Variants in IGF1 observed in about 807,000 individuals in gnomAD.
IGF1 encodes insulin-like growth factor 1.
IGF1 carries 4 observed loss-of-function variants against 13.8 expected under a neutral mutation model. The observed-to-expected ratio is 0.29, with a 90% confidence interval of 0.14 to 0.66. IGF1 has a LOEUF of 0.66. Among genes scored for constraint, IGF1 ranks in the 30% least tolerant of loss-of-function variants. IGF1 has a pLI of 0.78. For missense variants in IGF1, 124 were observed against 188.5 expected, an observed-to-expected ratio of 0.66 and a Z score of 2.00; for synonymous variants, 76 against 72.6, an observed-to-expected ratio of 1.05 and a Z score of -0.23.
chr12:102,430,597 A>G (rs1876652902), intron 2 of IGF1, among the ~76,000 whole-genome samples: 1 of 152,228 alleles, frequency 6.6e-6, no homozygotes, highest in African/African-American at 2.4e-5. Context: ...GCCATTGAAG[A>G]TGACTTAAAA....
intron 2 of IGF1, among the ~76,000 whole-genome samples, chr12:102,438,094 A>T (rs1036305295): frequency 1.3e-5 from 2 of 152,192 alleles, no homozygotes; most frequent in African/African-American, 4.8e-5. Context: ...ATTTTCCTGG[A>T]AAGAGGACAT....
chr12:102,425,719 C>G (rs1031938197), intron 2 of IGF1, among the ~76,000 whole-genome samples: 1 of 152,172 alleles, frequency 6.6e-6, no homozygotes, highest in Non-Finnish European at 1.5e-5. Context: ...AGATTCAAAG[C>G]AGAAACATTA....
intron 3 of IGF1, chr12:102,417,853 T>A (rs1389943358): frequency 6.2e-7 from 1 of 1,613,928 alleles, no homozygotes; most frequent in African/African-American, 1.3e-5. Flanking sequence ...TCAGCATTTC[T>A]ACTTCCAATC....
chr12:102,478,172 GGA>G (rs1217291681), intron 1 of IGF1, among the ~76,000 whole-genome samples: 1 of 151,400 alleles, frequency 6.6e-6, no homozygotes, highest in Non-Finnish European at 1.5e-5. Context: ...AACTTGCTTA[GGA>G]GTTTAAAGTG....
intron 1 of IGF1, among the ~76,000 whole-genome samples, chr12:102,476,403 C>T (rs1053212406): frequency 1.8e-5 from 2 of 113,946 alleles, no homozygotes; most frequent in African/African-American, 6.3e-5. Context: ...GTTTTGTTTC[C>T]TCAATATGAG....
At chr12:102,458,773 A>G (rs890208538) in intron 2 of IGF1, among the ~76,000 whole-genome samples, 1 of 146,150 alleles carries the variant, frequency 6.8e-6, no homozygotes, top group African/African-American at 2.5e-5. Flanking sequence ...TGTAAGAGTA[A>G]TATTATTGCT....
intron 2 of IGF1, among the ~76,000 whole-genome samples, chr12:102,452,261 CAAAAAAAAAA>C (rs538007224): frequency 4.7e-5 from 2 of 42,176 alleles, no homozygotes; most frequent in Non-Finnish European, 7.4e-5. Flanking sequence ...GACTCCGTCT[CAAAAAAAAAA>C]AAAAAAAAAA....
chr12:102,474,621 A>G (rs1880897765), intron 2 of IGF1, among the ~76,000 whole-genome samples: 1 of 152,296 alleles, frequency 6.6e-6, no homozygotes, highest in East Asian at 1.9e-4. Context: ...GAGCTATTCA[A>G]AGCATAGTGG....
intron 2 of IGF1, among the ~76,000 whole-genome samples, chr12:102,437,424 T>C (rs924391763): frequency 6.6e-6 from 1 of 152,270 alleles, no homozygotes; most frequent in African/African-American, 2.4e-5. Context: ...TGTTAATTGT[T>C]CCTTTGCTGT....
intron 2 of IGF1, among the ~76,000 whole-genome samples, chr12:102,450,558 A>G (rs1281916242): frequency 2.0e-5 from 3 of 152,224 alleles, no homozygotes; most frequent in African/African-American, 4.8e-5. Context: ...TTCGCCTTCC[A>G]TCTGAAGGCT....
At chr12:102,409,315 T>A (rs534562753) in intron 3 of IGF1, among the ~76,000 whole-genome samples, 1 of 152,334 alleles carries the variant, frequency 6.6e-6, no homozygotes, top group South Asian at 2.1e-4. Flanking sequence ...TTCTGTAGAG[T>A]AAATTCTGCA....
chr12:102,449,678 G>A (rs963937254), intron 2 of IGF1, among the ~76,000 whole-genome samples: 1 of 142,768 alleles, frequency 7.0e-6, no homozygotes, highest in Admixed American at 6.9e-5. Flanking sequence ...GGATGTCAGA[G>A]AAGGGACATC....
At chr12:102,466,016 A>T (rs1335901886) in intron 2 of IGF1, among the ~76,000 whole-genome samples, 8 of 152,114 alleles carry the variant, frequency 5.3e-5, no homozygotes, top group Non-Finnish European at 1.5e-5. Flanking sequence ...AATTTGCTCC[A>T]GGTGGTCTCA....
At chr12:102,453,683 C>T (rs1407879748) in intron 2 of IGF1, among the ~76,000 whole-genome samples, 1 of 152,168 alleles carries the variant, frequency 6.6e-6, no homozygotes, top group Non-Finnish European at 1.5e-5. Context: ...AAAAGTTACT[C>T]AGCATTTCCA....
intron 2 of IGF1, among the ~76,000 whole-genome samples, chr12:102,452,094 C>T (rs1878993321): frequency 1.3e-5 from 2 of 151,690 alleles, no homozygotes; most frequent in Admixed American, 1.3e-4. Context: ...AACCCCGTCT[C>T]TACTAAAAAT....
At chr12:102,448,681 G>C (rs1159266929) in intron 2 of IGF1, among the ~76,000 whole-genome samples, 1 of 70,320 alleles carries the variant, frequency 1.4e-5, no homozygotes. Flanking sequence ...CTAAAACTTA[G>C]AGTATAATAA....
At chr12:102,431,756 C>A (rs1876758496) in intron 2 of IGF1, among the ~76,000 whole-genome samples, 2 of 152,160 alleles carry the variant, frequency 1.3e-5, no homozygotes, top group Non-Finnish European at 2.9e-5. Flanking sequence ...AATGGACCCA[C>A]TAACCCCAGG....
chr12:102,418,135 A>T, intron 3 of IGF1: 1 of 862,958 alleles, frequency 1.2e-6, no homozygotes, highest in South Asian at 2.1e-5. Flanking sequence ...TCTAGACCTC[A>T]GTCACAAGAC....
chr12:102,480,236 TGAA>T, intron 1 of IGF1, 80 bp downstream of exon 1: 1 of 1,323,200 alleles, frequency 7.6e-7, no homozygotes, highest in Non-Finnish European at 1.1e-6. Context: ...AATTTTAAAG[TGAA>T]GAACAGTTCT....
Sources: allele counts gnomAD v4.1 joint callset (sites outside exome capture counted in the v4.1 genomes callset), GRCh38; gene constraint gnomAD v4.1.1; transcripts MANE v1.5; gene names NCBI Gene and HGNC (gene_info 2026-07-23, HGNC 2026-07-21).